The following PKD1 variants were observed in gnomAD, a reference collection of about 807,000 sequenced individuals.
PKD1 encodes the protein polycystin 1, transient receptor potential channel interacting.
A neutral mutation model predicts 361.7 loss-of-function variants in PKD1; 81 were observed. The observed-to-expected ratio is 0.22, with a 90% CI of 0.19 to 0.27. The LOEUF is 0.27. PKD1 is among the 10% of genes least tolerant of loss of function. The pLI is 1.00. For synonymous variants in PKD1, 3,615 were observed against 2,818.3 expected (o/e 1.28, Z -8.95); for missense variants, 6,399 against 6,118.3 (o/e 1.05, Z -1.53).
rs1194410691 is a variant in PKD1 at position 2,091,108 on chromosome 16, G to T, written c.11779C>A (p.Arg3927Ser). 6.7e-7 allele frequency: 1 copy of T among 1,494,408 alleles called. No homozygotes were observed. The highest frequency in any genetic ancestry group is 1.2e-5 in the South Asian group (1 of 81,208). 92.6% of individuals were successfully genotyped at this position (1,494,408 alleles called of 1,614,324 possible). A position where few individuals can be genotyped will look rare whatever the true frequency, so the allele number is the denominator to read the frequency against. ...AEARTWHREG[R>S]WRVLRLGAWA... ...GCTCCGAGCCGCAGCACGCGCCAGC[G>T]CCCTTCCCTGTGCCAAGTACGGGCC... The change falls in exon 43 of 46, where the codon CGC (arginine) becomes AGC (serine). Residue 3927 changes from arginine (R) to serine (S), a missense_variant. Arg to Ser is a moderately radical substitution (Grantham distance 110). Transcript: ENST00000262304.
At chr16:2,130,155 C>T (rs1319737463) in intron 1 of PKD1, among the ~76,000 whole-genome samples, 4 of 152,264 alleles carry the variant, frequency 2.6e-5, no homozygotes, top group Non-Finnish European at 5.9e-5. Flanking sequence ...CTCACGCAGG[C>T]ACGTTCTGAA....
intron 20 of PKD1, 174 bp from the exon 21 acceptor site, chr16:2,105,648 C>T: frequency 4.0e-6 from 6 of 1,486,154 alleles, no homozygotes; most frequent in Non-Finnish European, 5.4e-6. Context: ...GCACATGGGC[C>T]CTCCTGGGCG....
chr16:2,091,820 C>T lies in PKD1; in HGVS notation c.11498G>A (p.Arg3833Gln), dbSNP rs36221082. Residue 3833 changes from arginine (R) to glutamine (Q), a missense_variant, in exon 41 of 46, where the codon CGG (arginine) becomes CAG (glutamine). Physicochemically the swap from Arg to Gln is conservative, Grantham distance 43. Coordinates refer to ENST00000262304, the MANE Select transcript of PKD1 (RefSeq NM_001009944.3). ...GTTGTGCAGCTGCAGGAAGCGCAGC[C>T]GGTCGCGGCTCTCCTCCAGGCTCAG... ...LGLSLEESRDRLRFLQLHNWL... is the reference protein window; with the variant it reads ...LGLSLEESRDQLRFLQLHNWL... 75 of 1,610,278 alleles carry T rather than the reference C, an allele frequency of 4.7e-5. 1 individual carries two copies. The African/African-American group carries it at 6.0e-4, about 13-fold the overall frequency.
At chr16:2,124,493 G>A (rs914391709) in intron 1 of PKD1, among the ~76,000 whole-genome samples, 14 of 152,210 alleles carry the variant, frequency 9.2e-5, no homozygotes, top group African/African-American at 2.7e-4. Flanking sequence ...CGGGGGAGCC[G>A]GGGTCGGGGA....
Position 2,103,501 on chromosome 16 carries a change from T to A in PKD1, c.8556A>T (p.Ala2852=), listed in dbSNP as rs781249958. The A allele has an allele frequency of 6.2e-7, 1 of 1,604,014 alleles. No homozygotes were observed. ...YTVSTKVASM[A]FQTQAGAQIP... Reference sequence around the variant, plus strand: ...TCTGGGCGCCGGCCTGTGTCTGGAATGCCATCGAGGCCACCTTGGTGGAGA... The same window carrying A: ...TCTGGGCGCCGGCCTGTGTCTGGAAAGCCATCGAGGCCACCTTGGTGGAGA... Residue 2852 remains alanine (A), a synonymous_variant, in exon 23 of 46, where the codon GCA becomes GCT. Transcript: ENST00000262304.
chr16:2,118,533 G>A lies in PKD1; in HGVS notation c.530-71C>T, dbSNP rs1361424123. 2.5e-5 allele frequency: 34 copies of A among 1,345,706 alleles called. 1 individual carries two copies. Among genetic ancestry groups the A allele is most frequent in the Admixed American group, 2.0e-4 (10 of 50,794 alleles). The allele number at this position is 1,345,706 out of a possible 1,614,324, so 83.4% of individuals were successfully genotyped here. A position where few individuals can be genotyped will look rare whatever the true frequency, so the allele number is the denominator to read the frequency against. On this transcript the variant is annotated intron_variant, in intron 4 of 45. Transcript: ENST00000262304. The surrounding 1 kb of genome is among the most constrained non-coding windows in gnomAD (Gnocchi z 6.0). ...CCACCCCACGCCCCCACATCCGCCC[G>A]CCGCACTCACAGGCTCCCATGCTGT... is the stretch of plus-strand genomic sequence containing the variant.
chr16:2,092,834 T>A, intron 38 of PKD1, 120 bp downstream of exon 38: 1 of 1,255,032 alleles, frequency 8.0e-7, no homozygotes, highest in Non-Finnish European at 1.2e-6. Context: ...CAGCAGCACC[T>A]ACCTCCAGTT....
At chr16:2,123,057 G>GC (rs1195923687) in intron 1 of PKD1, among the ~76,000 whole-genome samples, 4 of 152,196 alleles carry the variant, frequency 2.6e-5, no homozygotes, top group East Asian at 1.9e-4. Flanking sequence ...GGACCCCAGA[G>GC]CCCCCCGGCT....
At chr16:2,116,774 G>A (rs1327682898) in intron 7 of PKD1, 59 bp downstream of exon 7, 48 of 1,151,414 alleles carry the variant, frequency 4.2e-5, no homozygotes, top group South Asian at 9.2e-5. Context: ...CACCGCGGGC[G>A]CTCGGCAGGC....
At chr16:2,104,358 G>T (rs1305200083) in intron 22 of PKD1, 140 bp downstream of exon 22, 2 of 534,938 alleles carry the variant, frequency 3.7e-6, no homozygotes, top group African/African-American at 2.9e-5. Flanking sequence ...ATTGGGGGAG[G>T]GGGATGAGGA....
In PKD1 at chr16:2,091,820, C is replaced by G. The variant is rs36221082; in HGVS notation, c.11498G>C (p.Arg3833Pro). 6.2e-7 allele frequency: 1 copy of G among 1,610,280 alleles called. No homozygotes were observed. Among genetic ancestry groups the G allele is most frequent in the Non-Finnish European group, 8.5e-7 (1 of 1,179,214 alleles). ...LGLSLEESRD[R>P]LRFLQLHNWL... ...GTTGTGCAGCTGCAGGAAGCGCAGC[C>G]GGTCGCGGCTCTCCTCCAGGCTCAG... The change falls in exon 41 of 46, where the codon CGG becomes CCG. Residue 3833 changes from arginine to proline, a missense_variant. Arg to Pro is a moderately radical substitution (Grantham distance 103). Transcript: ENST00000262304.
intron 1 of PKD1, among the ~76,000 whole-genome samples, chr16:2,121,410 G>C (rs1035967336): frequency 6.6e-6 from 1 of 151,984 alleles, no homozygotes; most frequent in African/African-American, 2.4e-5. Context: ...GGGTGAGAGG[G>C]AGGGAGGAAA....
intron 30 of PKD1, chr16:2,099,338 T>C (rs2151736635): frequency 2.4e-6 from 1 of 412,780 alleles, no homozygotes; most frequent in East Asian, 5.4e-5. Context: ...TCTTCTGGAG[T>C]GCATTTCGGA....
In PKD1 at chr16:2,088,982, C is replaced by T; in HGVS notation, c.*745G>A. 3.4e-6 allele frequency: 1 copy of T among 297,162 alleles called. No individual in the cohort carries two copies. The allele number at this position is 297,162 out of a possible 1,614,324, so 18.4% of individuals were successfully genotyped here. A position where few individuals can be genotyped will look rare whatever the true frequency, so the allele number is the denominator to read the frequency against. On this transcript the variant is annotated 3_prime_UTR_variant, in exon 46 of 46. Coordinates refer to ENST00000262304, the MANE Select transcript of PKD1 (RefSeq NM_001009944.3). ...CCTGGGGTCCTCTGACATGCCTAGT[C>T]CTGCTACTTGCCCAGACCTGATGCC...
At position 2,115,363 on chromosome 16, in the gene PKD1, G is replaced by A. The variant is rs2092614472; in HGVS notation, c.2097+15C>T. ...GAGGAGATGCAGGGAACAGACCCAG[G>A]TCAGGGCCACACACCGAGTACTGCG... is the stretch of plus-strand genomic sequence containing the variant. On this transcript the variant is annotated intron_variant, in intron 10 of 45. Coordinates refer to ENST00000262304, the MANE Select transcript of PKD1 (RefSeq NM_001009944.3). 1 of 1,497,484 alleles carries A rather than the reference G, an allele frequency of 6.7e-7. No individual in the cohort carries two copies. The allele number at this position is 1,497,484 out of a possible 1,614,324, so 92.8% of individuals were successfully genotyped here. A position where few individuals can be genotyped will look rare whatever the true frequency, so the allele number is the denominator to read the frequency against.
At chr16:2,107,709 G>A in intron 16 of PKD1, 174 bp downstream of exon 16, 2 of 674,890 alleles carry the variant, frequency 3.0e-6, no homozygotes, top group South Asian at 1.7e-5. Flanking sequence ...TGGAACTGTG[G>A]CAGGTTTGGA....
In PKD1 at chr16:2,090,905, C is replaced by T; in HGVS notation, c.11982G>A (p.Leu3994=). Reference sequence around the variant, plus strand: ...TCACCTTGACCAAAAGCAGGAAGAGCAGCGAGGCCGCCAGGCCACGGGCTG... The same window carrying T: ...TCACCTTGACCAAAAGCAGGAAGAGTAGCGAGGCCGCCAGGCCACGGGCTG... The part of the protein sequence containing the change: ...SSAARGLAAS[L]LFLLLVKAAQ... The change falls in exon 43 of 46, where the codon CTG becomes CTA. Residue 3994 remains leucine, a synonymous_variant. Coordinates refer to ENST00000262304, the MANE Select transcript of PKD1 (RefSeq NM_001009944.3). 1 of 1,596,380 alleles carries T rather than the reference C, an allele frequency of 6.3e-7. No homozygotes were observed. The highest frequency in any genetic ancestry group is 1.1e-5 in the South Asian group (1 of 90,370).
Position 2,112,790 on chromosome 16 carries a change from G to A in PKD1, c.3159C>T (p.Phe1053=), listed in dbSNP as rs369632433. 48 of 1,596,570 alleles carry A rather than the reference G, an allele frequency of 3.0e-5. No individual in the cohort carries two copies. The highest frequency in any genetic ancestry group is 4.5e-5 in the East Asian group (2 of 44,888). Residue 1053 remains phenylalanine, a splice_region_variant and synonymous_variant, in exon 13 of 46, where the codon TTC becomes TTT. Coordinates refer to ENST00000262304, the MANE Select transcript of PKD1 (RefSeq NM_001009944.3). ...VLVDSAVEVA[F]LWTFGDGEQA... The stretch of plus-strand genomic sequence containing the variant: ...AAACCGGCCCCCGAGTCACTCACAG[G>A]AAGGCCACCTCCACGGCCGAGTCCA...
rs777585821 is a variant in PKD1 at position 2,092,076 on chromosome 16, C to T, written c.11382G>A (p.Thr3794=). ...GCAGATCCGGCGCTGAATAGGCCCACGTCCCCGAGCCATTGTGAGGACTCT... is the reference window on the plus strand; with the variant it reads ...GCAGATCCGGCGCTGAATAGGCCCATGTCCCCGAGCCATTGTGAGGACTCT... ...GWESPHNGSG[T]WAYSAPDLLG... Residue 3794 remains threonine, a synonymous_variant, in exon 40 of 46, where the codon ACG becomes ACA. Coordinates refer to ENST00000262304, the MANE Select transcript of PKD1 (RefSeq NM_001009944.3). 3.7e-6 allele frequency: 6 copies of T among 1,612,726 alleles called. No homozygotes were observed. Among genetic ancestry groups the T allele is most frequent in the South Asian group, 3.3e-5 (3 of 91,088 alleles).
Sources: allele counts gnomAD v4.1 joint callset (sites outside exome capture counted in the v4.1 genomes callset), GRCh38; gene constraint gnomAD v4.1.1; non-coding constraint Gnocchi (gnomAD v3.1); transcripts MANE v1.5; gene names NCBI Gene and HGNC (gene_info 2026-07-23, HGNC 2026-07-21).